Variants in USP13 observed in about 807,000 individuals in gnomAD.
USP13 encodes the protein ubiquitin specific peptidase 13, also known as ubiquitin carboxyl-terminal hydrolase 13.
USP13 carries 68 observed loss-of-function variants against 107.8 expected under a neutral mutation model. That is an observed-to-expected ratio of 0.63 (90% CI 0.52 to 0.77). USP13 has a LOEUF of 0.77. USP13 is among the 30% of genes least tolerant of loss of function. USP13 has a pLI of 0.00. For synonymous variants in USP13, 377 were observed against 389.5 expected (o/e 0.97, Z 0.38); for missense variants, 945 against 1,093.3 (o/e 0.86, Z 1.91).
intron 6 of USP13, among the ~76,000 whole-genome samples, chr3:179,716,711 A>T (rs1444143849): frequency 6.6e-6 from 1 of 152,216 alleles, no homozygotes; most frequent in East Asian, 1.9e-4. Context: ...AAAAAAAGAC[A>T]TCTTCTCATT....
chr3:179,730,540 T>C lies in USP13; in HGVS notation c.1161-76T>C, dbSNP rs912979460. 1.6e-5 allele frequency: 20 copies of C among 1,214,740 alleles called. No individual in the cohort carries two copies. The African/African-American group carries it at 2.3e-4, about 14-fold the overall frequency. 75.2% of individuals were successfully genotyped at this position (1,214,740 alleles called of 1,614,324 possible). On this transcript the variant is annotated intron_variant, in intron 9 of 20. Transcript: ENST00000263966. The stretch of plus-strand genomic sequence containing the variant: ...ACCTAACAGCAGTTGTACTTATTGA[T>C]ATTCATAGATAAATTTAATATTACT...
At chr3:179,746,047 G>A (rs1008512774) in intron 13 of USP13, among the ~76,000 whole-genome samples, 4 of 151,828 alleles carry the variant, frequency 2.6e-5, no homozygotes, top group Admixed American at 2.0e-4. Flanking sequence ...CAGGAGTTTT[G>A]CTACGTTCAG....
At position 179,696,328 on chromosome 3, in the gene USP13, A is replaced by ATTTTTTTTTTTTTTT. The variant is rs4041265; in HGVS notation, c.356-4675_356-4661dup. ...TACTAAATAAACAGAGCCATTAGGC[A>ATTTTTTTTTTTTTTT]TTTTTTTTTTTTTTTTTTTGAGATG... is the stretch of plus-strand genomic sequence containing the variant. On this transcript the variant is annotated intron_variant, in intron 3 of 20. Coordinates refer to ENST00000263966, the MANE Select transcript of USP13 (RefSeq NM_003940.3). 1.7e-5 allele frequency among the ~76,000 whole-genome samples: 2 copies of ATTTTTTTTTTTTTTT among 117,704 alleles called. 1 individual carries two copies. The highest frequency in any genetic ancestry group is 3.3e-5 in the Non-Finnish European group (2 of 60,660). 77.2% of individuals were successfully genotyped at this position (117,704 alleles called of 152,430 possible).
At chr3:179,743,354 C>A (rs1457875703) in intron 12 of USP13, among the ~76,000 whole-genome samples, 1 of 151,022 alleles carries the variant, frequency 6.6e-6, no homozygotes, top group East Asian at 1.9e-4. Context: ...ACGTTCTACA[C>A]ATGTATCCTG....
intron 6 of USP13, among the ~76,000 whole-genome samples, chr3:179,709,303 A>T (rs1712839190): frequency 6.6e-6 from 1 of 152,226 alleles, no homozygotes; most frequent in Non-Finnish European, 1.5e-5. Flanking sequence ...AGCAGGAAAC[A>T]GGATTTGTGA....
In USP13 at chr3:179,655,561, TG is replaced by T. The variant is rs1560036563; in HGVS notation, c.168+2169del. 1.6e-3 allele frequency among the ~76,000 whole-genome samples: 213 copies of T among 134,006 alleles called. 4 individuals are homozygous for T. The highest frequency in any genetic ancestry group is 2.2e-3 in the African/African-American group (74 of 33,728). 87.9% of individuals were successfully genotyped at this position (134,006 alleles called of 152,430 possible). On this transcript the variant is annotated intron_variant, in intron 1 of 20. Coordinates refer to ENST00000263966, the MANE Select transcript of USP13 (RefSeq NM_003940.3). The stretch of plus-strand genomic sequence containing the variant: ...GATAATGGGAAGGTTTTTTTTGTTT[TG>T]TTTTGTTTTTTTTTTGAGTTTTGCT...
chr3:179,779,460 G>A (rs375210816), intron 19 of USP13, among the ~76,000 whole-genome samples: 16 of 152,044 alleles, frequency 1.1e-4, no homozygotes, highest in Non-Finnish European at 1.8e-4. Context: ...AAGCCAGGGG[G>A]TGGAGGTTGC....
rs1041912573 is a variant in USP13, at chr3:179,719,813, A to G, written c.806-127A>G. On this transcript the variant is annotated intron_variant, in intron 6 of 20. Coordinates refer to ENST00000263966, the MANE Select transcript of USP13 (RefSeq NM_003940.3). ...TTCGTCTTTCCTCTTGTTGAATGTT[A>G]GAAAGTTTTCGTTTTGTTCAGTGAT... 16 of 547,700 alleles carry G rather than the reference A, an allele frequency of 2.9e-5. No homozygotes were observed. In the African/African-American group the frequency reaches 3.1e-4, roughly 11 times the overall value. 33.9% of individuals were successfully genotyped at this position (547,700 alleles called of 1,614,324 possible).
At chr3:179,669,807 A>G (rs753371052) in intron 1 of USP13, among the ~76,000 whole-genome samples, 1 of 150,616 alleles carries the variant, frequency 6.6e-6, no homozygotes, top group Non-Finnish European at 1.5e-5. Flanking sequence ...TCTAGACTAT[A>G]GCCTCTCAAA....
At chr3:179,709,710 T>G (rs1157187693) in intron 6 of USP13, among the ~76,000 whole-genome samples, 1 of 152,236 alleles carries the variant, frequency 6.6e-6, no homozygotes, top group Non-Finnish European at 1.5e-5. Flanking sequence ...CATCATCTAA[T>G]CATCATTGGA....
At chr3:179,766,017 G>T (rs992131365) in intron 19 of USP13, among the ~76,000 whole-genome samples, 169 bp downstream of exon 19, 5 of 148,196 alleles carry the variant, frequency 3.4e-5, no homozygotes, top group Non-Finnish European at 5.9e-5. Flanking sequence ...GTCTCACACT[G>T]TTGCCAGGCT....
At chr3:179,774,957 T>C (rs192032614) in intron 19 of USP13, among the ~76,000 whole-genome samples, 6 of 152,214 alleles carry the variant, frequency 3.9e-5, no homozygotes, top group African/African-American at 1.4e-4. Flanking sequence ...CCCACTAGAT[T>C]AACTAGACAC....
At chr3:179,760,614 A>G (rs926369776) in intron 16 of USP13, among the ~76,000 whole-genome samples, 6 of 149,368 alleles carry the variant, frequency 4.0e-5, no homozygotes, top group Non-Finnish European at 9.0e-5. Context: ...TAATTAAAAA[A>G]CGAACTTTTT....
intron 15 of USP13, among the ~76,000 whole-genome samples, chr3:179,755,118 G>A (rs1293703153): frequency 6.6e-6 from 1 of 152,208 alleles, no homozygotes; most frequent in Non-Finnish European, 1.5e-5. Context: ...TAGGGAAGCT[G>A]TGTCATTCTT....
chr3:179,655,500 A>T (rs1238446179), intron 1 of USP13, among the ~76,000 whole-genome samples: 1 of 151,254 alleles, frequency 6.6e-6, no homozygotes, highest in Non-Finnish European at 1.5e-5. Context: ...GGAGGAAGGG[A>T]AGGTTTGATA....
chr3:179,754,998 C>A, intron 15 of USP13, 144 bp downstream of exon 15: 1 of 1,092,268 alleles, frequency 9.2e-7, no homozygotes, highest in Non-Finnish European at 1.3e-6. Flanking sequence ...CCACCACCGA[C>A]ACAGGAGGGA....
At chr3:179,750,754 TTCA>T (rs754312256) in intron 13 of USP13, among the ~76,000 whole-genome samples, 20 of 152,220 alleles carry the variant, frequency 1.3e-4, no homozygotes, top group Non-Finnish European at 2.6e-4. Flanking sequence ...TTCACATCAT[TTCA>T]TGAACATTGC....
intron 1 of USP13, among the ~76,000 whole-genome samples, chr3:179,659,213 A>T (rs1720383459): frequency 6.6e-6 from 1 of 152,192 alleles, no homozygotes; most frequent in South Asian, 2.1e-4. Flanking sequence ...TCCACCAGGA[A>T]AGACTTTGAG....
At chr3:179,709,048 C>A in intron 6 of USP13, 91 bp downstream of exon 6, 1 of 1,441,372 alleles carries the variant, frequency 6.9e-7, no homozygotes, top group Non-Finnish European at 9.3e-7. Flanking sequence ...AAGGTGCAGG[C>A]TCTGGATGCA....
Sources: gnomAD v4.1 joint callset for allele counts (sites outside exome capture counted in the v4.1 genomes callset) on GRCh38, gnomAD v4.1.1 for gene constraint, MANE v1.5 for transcripts, NCBI Gene and HGNC (gene_info 2026-07-23, HGNC 2026-07-21) for gene names.